Variants in COL6A2 observed in about 807,000 individuals in gnomAD.
The protein encoded by COL6A2 is collagen alpha-2(VI) chain.
In COL6A2, 90 loss-of-function variants were observed where a neutral mutation model predicts 124.9. The observed-to-expected ratio is 0.72, with a 90% CI of 0.61 to 0.86. COL6A2 has a LOEUF of 0.86. Among genes scored for constraint, COL6A2 ranks in the 40% least tolerant of loss-of-function variants. COL6A2 has a pLI of 0.00. For missense variants in COL6A2, 1,607 were observed against 1,502.5 expected, an observed-to-expected ratio of 1.07 and a Z score of -1.15; for synonymous variants, 793 against 618.2, an observed-to-expected ratio of 1.28 and a Z score of -4.19.
At chr21:46,114,152 CGT>C in intron 5 of COL6A2, 79 bp downstream of exon 5, 1 of 1,241,448 alleles carries the variant, frequency 8.1e-7, no homozygotes, top group Non-Finnish European at 1.2e-6. Context: ...CTTGGCCGGG[CGT>C]GGTGGCTCAT....
chr21:46,101,073 C>T (rs887307374), intron 1 of COL6A2, among the ~76,000 whole-genome samples: 5 of 152,082 alleles, frequency 3.3e-5, no homozygotes, highest in Admixed American at 6.5e-5. Context: ...TTTCCGGGTT[C>T]GCTTGGTTTT....
intron 1 of COL6A2, among the ~76,000 whole-genome samples, chr21:46,105,747 G>A (rs1213319687): frequency 6.6e-6 from 1 of 151,778 alleles, no homozygotes; most frequent in African/African-American, 2.4e-5. Context: ...AATGAGGAAG[G>A]GATTTAAATG....
intron 1 of COL6A2, among the ~76,000 whole-genome samples, chr21:46,104,550 C>G (rs1257208687): frequency 1.3e-5 from 2 of 152,156 alleles, no homozygotes; most frequent in African/African-American, 4.8e-5. Context: ...GGGATACCAT[C>G]AAGCAAACCA....
At chr21:46,130,076 G>C (rs945120309) in intron 27 of COL6A2, among the ~76,000 whole-genome samples, 3 of 152,194 alleles carry the variant, frequency 2.0e-5, no homozygotes, top group Admixed American at 1.3e-4. Flanking sequence ...CGGCCCACCT[G>C]GTGGCAGGTG....
Position 46,127,440 on chromosome 21 carries a change from T to G in COL6A2, c.2461+899T>G, listed in dbSNP as rs1317726662. On this transcript the variant is annotated intron_variant, in intron 27 of 27. Coordinates refer to ENST00000300527, the MANE Select transcript of COL6A2 (RefSeq NM_001849.4). ...GGAGCCGTGGACTCAGAGCCGAGGT[T>G]CCCCATACGTGCTGCGACAGAGAAC... Among the ~76,000 whole-genome samples the G allele has an allele frequency of 2.6e-5, 4 of 152,044 alleles. No individual in the cohort carries two copies. In the South Asian group the frequency reaches 8.3e-4, roughly 32 times the overall value.
chr21:46,126,337 G>A (rs2123665697), intron 26 of COL6A2, 100 bp downstream of exon 26: 1 of 1,509,978 alleles, frequency 6.6e-7, no homozygotes, highest in Non-Finnish European at 9.1e-7. Flanking sequence ...GGATGAATGT[G>A]CAGCCCAGGA....
chr21:46,126,584 C>A, intron 27 of COL6A2, 43 bp downstream of exon 27: 1 of 1,611,828 alleles, frequency 6.2e-7, no homozygotes, highest in Non-Finnish European at 8.5e-7. Context: ...ACTAGCAAAG[C>A]AGCCCTGGTG....
At position 46,124,858 on chromosome 21, in the gene COL6A2, GTCTCAGCCTCA is replaced by G; in HGVS notation, c.1735-24_1735-14del. On this transcript the variant is annotated splice_polypyrimidine_tract_variant and intron_variant, in intron 22 of 27. Transcript: ENST00000300527. The stretch of plus-strand genomic sequence containing the variant: ...TCAGCCACCCAGCCTTGGCCCCAGA[GTCTCAGCCTCA>G]TCCTTCCTTCCCCAGGGTGAGCCCG... 1 of 1,612,866 alleles carries G rather than the reference GTCTCAGCCTCA, an allele frequency of 6.2e-7. No individual in the cohort carries two copies.
intron 1 of COL6A2, among the ~76,000 whole-genome samples, chr21:46,109,572 C>T (rs1198316555): frequency 6.6e-6 from 1 of 152,132 alleles, no homozygotes; most frequent in Non-Finnish European, 1.5e-5. Flanking sequence ...CCAAGGGGCA[C>T]CGGTGCCCAG....
Position 46,112,679 on chromosome 21 carries a change from G to A in COL6A2, c.714+102G>A, listed in dbSNP as rs11089048. Reference sequence around the variant, plus strand: ...TTACCCCTCTGTGAGTGCGGAGGCCGAAGGAGGAAGCTCCGGGCAGGGCCT... The same window carrying A: ...TTACCCCTCTGTGAGTGCGGAGGCCAAAGGAGGAAGCTCCGGGCAGGGCCT... On this transcript the variant is annotated intron_variant, in intron 3 of 27. Transcript: ENST00000300527. 7.1e-3 allele frequency: 11,341 copies of A among 1,594,548 alleles called. 692 individuals carry two copies. The African/African-American group carries it at 0.13, about 19-fold the overall frequency.
intron 27 of COL6A2, chr21:46,129,212 C>A: frequency 6.2e-7 from 1 of 1,612,894 alleles, no homozygotes; most frequent in Non-Finnish European, 8.5e-7. Context: ...CGTGGCCTGG[C>A]GGCGAGCCCC....
intron 27 of COL6A2, among the ~76,000 whole-genome samples, chr21:46,127,675 C>T (rs2078693807): frequency 6.6e-6 from 1 of 152,090 alleles, no homozygotes; most frequent in Non-Finnish European, 1.5e-5. Context: ...AGTCTCGGGA[C>T]CCCATGATGG....
intron 1 of COL6A2, among the ~76,000 whole-genome samples, 189 bp from the exon 2 acceptor site, chr21:46,111,261 G>A (rs1165034092): frequency 6.6e-6 from 1 of 152,224 alleles, no homozygotes; most frequent in Non-Finnish European, 1.5e-5. Flanking sequence ...ACCCAGGGTG[G>A]GGCAAGAGGG....
chr21:46,121,336 G>T (rs910519946), intron 17 of COL6A2, among the ~76,000 whole-genome samples: 24 of 152,212 alleles, frequency 1.6e-4, no homozygotes, highest in Non-Finnish European at 3.1e-4. Context: ...GACCCAGGTT[G>T]TGGAGTCAGG....
In COL6A2 at chr21:46,132,539, G is replaced by A. The variant is rs376368468; in HGVS notation, c.3047G>A (p.Arg1016His). The stretch of plus-strand genomic sequence containing the variant: ...CCCGGCTTCTTCGACCGCTTCATCC[G>A]CTGGATCTGCTAGCGCCGCCGCCCG... The part of the protein sequence containing the change: ...AQPGFFDRFI[R>H]WIC Residue 1016 changes from arginine to histidine, a missense_variant, in exon 28 of 28, where the codon CGC becomes CAC. This residue lies in a region of COL6A2 where 1,223 missense variants were observed against 1,052.2 expected (regional missense o/e 1.16). Transcript: ENST00000300527. 6.5e-5 allele frequency: 105 copies of A among 1,603,160 alleles called. No individual in the cohort carries two copies. The highest frequency in any genetic ancestry group is 7.6e-5 in the Non-Finnish European group (90 of 1,178,738).
In COL6A2 at chr21:46,112,207, G is replaced by A. The variant is rs145352569; in HGVS notation, c.344G>A (p.Arg115Gln). 1.3e-4 allele frequency: 209 copies of A among 1,612,784 alleles called. No individual in the cohort carries two copies. Among genetic ancestry groups the A allele is most frequent in the Non-Finnish European group, 1.6e-4 (183 of 1,180,032 alleles). Residue 115 changes from arginine to glutamine, a missense_variant, in exon 3 of 28, where the codon CGG (arginine) becomes CAG (glutamine). Transcript: ENST00000300527. ...VEVFSPPGSD[R>Q]ASFIKNLQGI... ...GTGTTCAGCCCACCGGGCAGCGACC[G>A]GGCCTCCTTCATCAAGAACCTGCAG...
At chr21:46,112,875 G>T (rs1373160478) in intron 4 of COL6A2, 51 bp downstream of exon 4, 1 of 1,612,084 alleles carries the variant, frequency 6.2e-7, no homozygotes, top group Admixed American at 1.7e-5. Flanking sequence ...TGACCCAGCA[G>T]AGATGACCGC....
chr21:46,117,740 G>C, intron 11 of COL6A2, 134 bp from the exon 12 acceptor site: 2 of 867,874 alleles, frequency 2.3e-6, no homozygotes, highest in Non-Finnish European at 3.5e-6. Flanking sequence ...CTGGCCTCTT[G>C]GTCACTGAGC....
chr21:46,125,069 TGGGGAAGGTCACAGGGCAAGGTTGGTG>T, intron 23 of COL6A2, 149 bp downstream of exon 23: 1 of 1,208,912 alleles, frequency 8.3e-7, no homozygotes, highest in Non-Finnish European at 1.2e-6. Context: ...CAAGCTTGGT[TGGGGAAGGTCACAGGGCAAGGTTGGTG>T]GGGGGAGGAG....
Sources: allele counts gnomAD v4.1 joint callset (sites outside exome capture counted in the v4.1 genomes callset), GRCh38; gene constraint gnomAD v4.1.1; regional missense constraint gnomAD v4.1.1; transcripts MANE v1.5; gene names NCBI Gene and HGNC (gene_info 2026-07-23, HGNC 2026-07-21).